The following CSMD1 variants were observed in gnomAD, a reference collection of about 807,000 sequenced individuals.
The protein encoded by CSMD1 is CUB and Sushi multiple domains 1.
Under a neutral mutation model 417.5 loss-of-function variants are expected in CSMD1, and 213 were observed. The observed-to-expected ratio is 0.51, with a 90% CI of 0.46 to 0.57. The LOEUF (loss-of-function observed/expected upper bound fraction) is 0.57. CSMD1 is among the 20% of genes least tolerant of loss of function. The pLI is 0.00. For synonymous variants in CSMD1, 2,862 were observed against 1,736.8 expected (o/e 1.65, Z -16.11); for missense variants, 6,923 against 4,529.7 (o/e 1.53, Z -15.17).
chr8:4,930,079 C>T (rs571981451), intron 1 of CSMD1, among the ~76,000 whole-genome samples: 3 of 152,240 alleles, frequency 2.0e-5, no homozygotes, highest in East Asian at 3.9e-4. Context: ...GGAAAAAGAG[C>T]TTGTTTCTCG....
In CSMD1 at chr8:4,413,451, T is replaced by A. The variant is rs139269718; in HGVS notation, c.415+6502A>T. Among the ~76,000 whole-genome samples, 9 of 152,330 alleles carry A rather than the reference T, an allele frequency of 5.9e-5. No individual in the cohort carries two copies. In the East Asian group the frequency reaches 1.5e-3, roughly 26 times the overall value. On this transcript the variant is annotated intron_variant, in intron 3 of 69. Coordinates refer to ENST00000635120, the MANE Select transcript of CSMD1 (RefSeq NM_033225.6). ...GGGCAGTTCAGCGTCTCTCTTCTAA[T>A]GACTTGATTGTCTTAAAGCTGTACT...
intron 19 of CSMD1, among the ~76,000 whole-genome samples, chr8:3,368,079 T>C (rs1809718815): frequency 6.6e-6 from 1 of 152,206 alleles, no homozygotes; most frequent in Non-Finnish European, 1.5e-5. Flanking sequence ...GTGAAATTAA[T>C]AAAATTAACT....
intron 1 of CSMD1, among the ~76,000 whole-genome samples, chr8:4,657,243 GT>G (rs978089554): frequency 6.6e-6 from 1 of 152,192 alleles, no homozygotes; most frequent in Non-Finnish European, 1.5e-5. Context: ...AGTAGTTTCA[GT>G]GCAAACAAGA....
intron 12 of CSMD1, among the ~76,000 whole-genome samples, chr8:3,467,889 T>A (rs912555249): frequency 6.6e-6 from 1 of 152,212 alleles, no homozygotes; most frequent in Non-Finnish European, 1.5e-5. Flanking sequence ...ACTTGGGAAA[T>A]AAGAACATAC....
intron 4 of CSMD1, among the ~76,000 whole-genome samples, chr8:4,012,549 C>T (rs2740946): frequency 0.61 from 92,478 of 151,926 alleles, 28,401 homozygotes; most frequent in East Asian, 0.68. Context: ...CAGCACCTGG[C>T]AGGTAGTTAT....
intron 23 of CSMD1, among the ~76,000 whole-genome samples, chr8:3,312,688 C>G (rs988688279): frequency 1.3e-5 from 2 of 152,146 alleles, no homozygotes; most frequent in South Asian, 2.1e-4. Context: ...GCTTCTACTT[C>G]GTGTCACTTG....
chr8:4,841,930 A>AACAAAAAAAACAAAAC (rs1554499186), intron 1 of CSMD1, among the ~76,000 whole-genome samples: 2 of 122,484 alleles, frequency 1.6e-5, no homozygotes, highest in East Asian at 2.8e-4. Context: ...AAAAAAAAAA[A>AACAAAAAAAACAAAAC]AAAAAAAAGT....
intron 1 of CSMD1, among the ~76,000 whole-genome samples, chr8:4,857,876 T>C (rs973181306): frequency 1.3e-5 from 2 of 151,476 alleles, no homozygotes; most frequent in African/African-American, 4.8e-5. Context: ...ACTATTCCAA[T>C]CAATAGAAAA....
At chr8:3,406,248 G>A (rs748148798) in intron 14 of CSMD1, 27 bp from the exon 15 acceptor site, 2 of 1,532,654 alleles carry the variant, frequency 1.3e-6, no homozygotes, top group African/African-American at 2.8e-5. Flanking sequence ...AAGAAAAAAG[G>A]AATAAAAATA....
chr8:2,944,369 AGCAGCAGTGGT>A (rs776704892), intron 68 of CSMD1, among the ~76,000 whole-genome samples: 7 of 152,218 alleles, frequency 4.6e-5, no homozygotes, highest in African/African-American at 7.2e-5. Flanking sequence ...TGGTCCCAGC[AGCAGCAGTGGT>A]GCAGCAGTGA....
chr8:3,737,929 T>C (rs1048245426), intron 6 of CSMD1, among the ~76,000 whole-genome samples: 1 of 152,210 alleles, frequency 6.6e-6, no homozygotes, highest in Non-Finnish European at 1.5e-5. Flanking sequence ...TAAAGGTAGA[T>C]AATTGTCAAG....
intron 23 of CSMD1, among the ~76,000 whole-genome samples, chr8:3,334,997 G>A (rs1807158840): frequency 6.6e-6 from 1 of 152,208 alleles, no homozygotes; most frequent in African/African-American, 2.4e-5. Flanking sequence ...CCTGAAAAAA[G>A]TGAGTTAATT....
chr8:4,950,245 G>T (rs546808888), intron 1 of CSMD1, among the ~76,000 whole-genome samples: 1 of 152,090 alleles, frequency 6.6e-6, no homozygotes, highest in Admixed American at 6.6e-5. Flanking sequence ...TACAAAATTA[G>T]TCATTTATGC....
intron 6 of CSMD1, among the ~76,000 whole-genome samples, chr8:3,733,854 C>T (rs1025146604): frequency 2.6e-5 from 4 of 152,002 alleles, no homozygotes; most frequent in East Asian, 3.9e-4. Context: ...ATATGTGCCC[C>T]GTTTATAAAT....
intron 3 of CSMD1, among the ~76,000 whole-genome samples, chr8:4,256,813 G>A (rs1803489731): frequency 1.3e-5 from 2 of 152,296 alleles, no homozygotes; most frequent in Admixed American, 1.3e-4. Context: ...CTGGCATAAA[G>A]TCGAGTTATG....
chr8:4,979,550 T>C (rs956464371), intron 1 of CSMD1, among the ~76,000 whole-genome samples: 3 of 138,896 alleles, frequency 2.2e-5, no homozygotes, highest in African/African-American at 7.3e-5. Flanking sequence ...AGGAGCTAGT[T>C]TTCACTTTTT....
chr8:4,170,487 G>A lies in CSMD1; in HGVS notation c.416-138388C>T, dbSNP rs183095396. On this transcript the variant is annotated intron_variant, in intron 3 of 69. Coordinates refer to ENST00000635120, the MANE Select transcript of CSMD1 (RefSeq NM_033225.6). ...TAGGTGCCTCTACTTCCTTCTGACT[G>A]TAATGAGATTAATGAAATGTTATTA... 5.5e-4 allele frequency among the ~76,000 whole-genome samples: 83 copies of A among 151,952 alleles called. 3 individuals carry two copies. Among genetic ancestry groups the A allele is most frequent in the African/African-American group, 1.8e-3 (73 of 41,254 alleles).
intron 1 of CSMD1, among the ~76,000 whole-genome samples, chr8:4,762,629 T>G (rs78437206): frequency 6.6e-6 from 1 of 152,034 alleles, no homozygotes; most frequent in Admixed American, 6.6e-5. Context: ...CGCATTTGCA[T>G]AGGACGCAGC....
At chr8:3,302,323 C>T (rs1278787992) in intron 25 of CSMD1, among the ~76,000 whole-genome samples, 1 of 152,086 alleles carries the variant, frequency 6.6e-6, no homozygotes, top group Non-Finnish European at 1.5e-5. Flanking sequence ...TCTGGAATAT[C>T]TCCATCGTTC....
Sources: gnomAD v4.1 joint callset for allele counts (sites outside exome capture counted in the v4.1 genomes callset) on GRCh38, gnomAD v4.1.1 for gene constraint, MANE v1.5 for transcripts, NCBI Gene and HGNC (gene_info 2026-07-23, HGNC 2026-07-21) for gene names.